The following KAZN variants were observed in gnomAD, a reference collection of about 807,000 sequenced individuals.
KAZN encodes kazrin, periplakin interacting protein.
KAZN carries 40 observed loss-of-function variants against 87.4 expected under a neutral mutation model. The observed-to-expected ratio is 0.46, with a 90% CI of 0.36 to 0.60. The LOEUF is 0.60. Ranked by LOEUF, KAZN falls within the 20% of genes least tolerant of loss-of-function variation. KAZN has a pLI of 0.00. For synonymous variants in KAZN, 466 were observed against 458.3 expected, an observed-to-expected ratio of 1.02 and a Z score of -0.22; for missense variants, 898 against 1,073.9, an observed-to-expected ratio of 0.84 and a Z score of 2.29.
intron 4 of KAZN, among the ~76,000 whole-genome samples, chr1:15,049,928 G>A (rs1473231483): frequency 6.6e-6 from 1 of 152,104 alleles, no homozygotes; most frequent in Non-Finnish European, 1.5e-5. Context: ...GGAGGCTGAG[G>A]CAGGAGAATC....
chr1:14,388,727 A>G (rs1662166601), intron 2 of KAZN, among the ~76,000 whole-genome samples: 1 of 152,200 alleles, frequency 6.6e-6, no homozygotes, highest in African/African-American at 2.4e-5. Flanking sequence ...TAAATATAAG[A>G]CCTAAAACTA....
intron 1 of KAZN, among the ~76,000 whole-genome samples, chr1:14,662,964 C>CATATATATATAT (rs141562526): frequency 7.8e-6 from 1 of 127,970 alleles, no homozygotes; most frequent in African/African-American, 2.9e-5. Context: ...TATATGCACA[C>CATATATATATAT]ATATATATAT....
At chr1:13,929,905 A>T (rs1640442410) in intron 1 of KAZN, among the ~76,000 whole-genome samples, 1 of 152,108 alleles carries the variant, frequency 6.6e-6, no homozygotes, top group African/African-American at 2.4e-5. Context: ...TATCCATTTG[A>T]TAGGTGGGGA....
chr1:14,136,009 T>G lies in KAZN; in HGVS notation c.92-44426T>G, dbSNP rs116807473. Among the ~76,000 whole-genome samples the G allele has an allele frequency of 7.4e-3, 1,122 of 152,294 alleles. 12 individuals carry two copies. The highest frequency in any genetic ancestry group is 0.026 in the African/African-American group (1,086 of 41,556). ...GAACAATAATTGGCATTCTTGTTAC[T>G]GGCTCCCAAGCAGTGATTTGTTGTG... On this transcript the variant is annotated intron_variant, in intron 1 of 16. Transcript: ENST00000636203.
intron 2 of KAZN, among the ~76,000 whole-genome samples, chr1:14,317,646 TTCTG>T (rs1452213453): frequency 6.6e-6 from 1 of 151,938 alleles, no homozygotes; most frequent in Non-Finnish European, 1.5e-5. Flanking sequence ...TTTCTGAGGG[TTCTG>T]TCTTTTTCTC....
rs111596883 is a variant in KAZN at position 15,048,422 on chromosome 1, A to ATGTGTGTGTGTGTGTGTG, written c.726+4280_726+4281insGTGTGTGTGTGTGTGTGT. Among the ~76,000 whole-genome samples, 332 of 150,938 alleles carry ATGTGTGTGTGTGTGTGTG rather than the reference A, an allele frequency of 2.2e-3. 3 individuals carry two copies. In the East Asian group the frequency reaches 0.035, roughly 16 times the overall value. ...GCCCCAAGGGACCGCATGTGTGTGT[A>ATGTGTGTGTGTGTGTGTG]TGTGTGTGTGTGTGTGTATGTGTAA... On this transcript the variant is annotated intron_variant, in intron 4 of 14. Coordinates refer to ENST00000376030, the MANE Select transcript of KAZN (RefSeq NM_201628.3).
chr1:14,530,737 T>TGA (rs1358952442), intron 2 of KAZN, among the ~76,000 whole-genome samples: 1 of 152,206 alleles, frequency 6.6e-6, no homozygotes, highest in Non-Finnish European at 1.5e-5. Flanking sequence ...ATCACCATGC[T>TGA]TCCTGTACAG....
chr1:14,554,906 C>T (rs1045821285), intron 2 of KAZN, among the ~76,000 whole-genome samples: 1 of 152,220 alleles, frequency 6.6e-6, no homozygotes, highest in African/African-American at 2.4e-5. Context: ...CAAAACATTG[C>T]TTCTTCAAAA....
intron 1 of KAZN, among the ~76,000 whole-genome samples, chr1:14,134,254 A>G (rs1251475484): frequency 6.6e-6 from 1 of 152,206 alleles, no homozygotes; most frequent in Non-Finnish European, 1.5e-5. Flanking sequence ...TTATTAAACT[A>G]TATGGTTAAA....
chr1:14,791,414 G>A (rs984204143), intron 1 of KAZN, among the ~76,000 whole-genome samples: 5 of 152,120 alleles, frequency 3.3e-5, no homozygotes, highest in South Asian at 2.1e-4. Context: ...TTCCAAACTC[G>A]CCCACTGGCT....
At chr1:14,128,496 G>T (rs1182011595) in intron 1 of KAZN, among the ~76,000 whole-genome samples, 2 of 152,140 alleles carry the variant, frequency 1.3e-5, no homozygotes, top group African/African-American at 4.8e-5. Flanking sequence ...TCTCTCCTCG[G>T]CTTGCAGACA....
Position 15,073,256 on chromosome 1 carries a change from T to C in KAZN, c.1222+7503T>C, listed in dbSNP as rs1161734560. Among the ~76,000 whole-genome samples, 9 of 152,206 alleles carry C rather than the reference T, an allele frequency of 5.9e-5. No individual in the cohort carries two copies. In the South Asian group the frequency reaches 1.7e-3, roughly 28 times the overall value. Reference sequence around the variant, plus strand: ...CTGACCTAGCTTTGGGTTTTAAAGATATCCATTCCCAGGCCCCATCCTGTA... The same window carrying C: ...CTGACCTAGCTTTGGGTTTTAAAGACATCCATTCCCAGGCCCCATCCTGTA... On this transcript the variant is annotated intron_variant, in intron 8 of 14. Transcript: ENST00000376030.
chr1:15,065,707 C>T lies in KAZN; in HGVS notation c.1176C>T (p.Phe392=), dbSNP rs758636395. 8 of 1,614,240 alleles carry T rather than the reference C, an allele frequency of 5.0e-6. No homozygotes were observed. The highest frequency in any genetic ancestry group is 1.3e-5 in the African/African-American group (1 of 75,082). The part of the protein sequence containing the change: ...KMGFGSISRV[F]ARGKQRKSLD... ...GATTCGGCTCCATCTCCCGCGTCTT[C>T]GCCAGAGGGAAGCAGCGGAAGTCCC... Residue 392 remains phenylalanine (F), a synonymous_variant, in exon 8 of 15, where the codon TTC becomes TTT. Coordinates refer to ENST00000376030, the MANE Select transcript of KAZN (RefSeq NM_201628.3).
intron 2 of KAZN, among the ~76,000 whole-genome samples, chr1:14,506,798 T>C (rs1466821279): frequency 6.6e-6 from 1 of 152,220 alleles, no homozygotes; most frequent in Non-Finnish European, 1.5e-5. Context: ...TATGTATATA[T>C]AAATTGTCAG....
chr1:14,679,492 G>A (rs1462929844), intron 1 of KAZN, among the ~76,000 whole-genome samples: 2 of 152,050 alleles, frequency 1.3e-5, no homozygotes, highest in Admixed American at 6.6e-5. Flanking sequence ...TGTGGGTTCC[G>A]GATTGGTTGA....
rs140961913 is a variant in KAZN, at chr1:14,478,564, T to C, written c.250-120419T>C. The stretch of plus-strand genomic sequence containing the variant: ...ATGTCCAAAACTAAGTGATCATCAT[T>C]TTTCTTAATATTTTCCTTCTTCCTT... On this transcript the variant is annotated intron_variant, in intron 2 of 16. Transcript: ENST00000636203. Among the ~76,000 whole-genome samples the C allele has an allele frequency of 5.9e-3, 896 of 152,292 alleles. 2 individuals are homozygous for C. Among genetic ancestry groups the C allele is most frequent in the Non-Finnish European group, 9.0e-3 (609 of 68,022 alleles).
chr1:14,133,336 C>T (rs1250007839), intron 1 of KAZN, among the ~76,000 whole-genome samples: 1 of 138,234 alleles, frequency 7.2e-6, no homozygotes, highest in Non-Finnish European at 1.5e-5. Flanking sequence ...CATTGCACTC[C>T]AGCCTGGTGA....
intron 1 of KAZN, among the ~76,000 whole-genome samples, chr1:13,902,971 G>C (rs1249523640): frequency 6.6e-6 from 1 of 152,182 alleles, no homozygotes; most frequent in African/African-American, 2.4e-5. Flanking sequence ...GGGTGAGTAA[G>C]GCTCAGCCCG....
intron 1 of KAZN, among the ~76,000 whole-genome samples, chr1:13,913,190 C>A (rs1038167596): frequency 6.6e-6 from 1 of 152,116 alleles, no homozygotes; most frequent in African/African-American, 2.4e-5. Context: ...AGAAGCCTAG[C>A]CCTTGCCAGC....
Sources: gnomAD v4.1 joint callset for allele counts (sites outside exome capture counted in the v4.1 genomes callset) on GRCh38, gnomAD v4.1.1 for gene constraint, MANE v1.5 for transcripts, NCBI Gene and HGNC (gene_info 2026-07-23, HGNC 2026-07-21) for gene names.